NLGN1: variants seen among roughly 807,000 people sequenced by gnomAD.
NLGN1 encodes neuroligin-1.
In NLGN1, 12 loss-of-function variants were observed where a neutral mutation model predicts 65.5. The ratio of observed to expected loss-of-function variants is 0.18; its 90% CI spans 0.12 to 0.30. The LOEUF is 0.30. Ranked by LOEUF, NLGN1 falls within the 10% of genes least tolerant of loss-of-function variation. NLGN1 has a pLI of 1.00. For missense variants in NLGN1, 750 were observed against 1,007.1 expected (o/e 0.74, Z 3.46); for synonymous variants, 350 against 359.5 (o/e 0.97, Z 0.30).
chr3:173,782,191 T>C (rs888016964), intron 3 of NLGN1, among the ~76,000 whole-genome samples: 1 of 151,998 alleles, frequency 6.6e-6, no homozygotes, highest in Middle Eastern at 3.2e-3. Flanking sequence ...CTATGGTCAA[T>C]TTGGGAAAGA....
chr3:174,083,451 A>G (rs963936623), intron 4 of NLGN1, among the ~76,000 whole-genome samples: 9 of 152,212 alleles, frequency 5.9e-5, no homozygotes, highest in African/African-American at 1.9e-4. Context: ...AATTTATACT[A>G]TAATGAAAAC....
At chr3:174,008,314 C>A (rs573913870) in intron 4 of NLGN1, among the ~76,000 whole-genome samples, 1 of 152,140 alleles carries the variant, frequency 6.6e-6, no homozygotes, top group East Asian at 1.9e-4. Flanking sequence ...GTAGGCAAAC[C>A]TGCTGTCATT....
chr3:173,525,973 T>C (rs761434192), intron 2 of NLGN1, among the ~76,000 whole-genome samples: 7 of 152,180 alleles, frequency 4.6e-5, no homozygotes, highest in Non-Finnish European at 8.8e-5. Context: ...ATAGTTGATA[T>C]GATTTTTATT....
chr3:174,281,087 G>A (rs1303087077), exon 7 of NLGN1: 2 of 1,613,348 alleles, frequency 1.2e-6, no homozygotes, highest in Non-Finnish European at 1.7e-6. Context: ...CACATGAGGT[G>A]GTTCTTCGGA....
intron 2 of NLGN1, among the ~76,000 whole-genome samples, chr3:173,582,205 T>G (rs1180002770): frequency 6.6e-6 from 1 of 152,060 alleles, no homozygotes; most frequent in Admixed American, 6.5e-5. Flanking sequence ...TAACATTCAT[T>G]TTTCTTGTTA....
At chr3:173,452,700 A>G (rs1226542881) in intron 2 of NLGN1, among the ~76,000 whole-genome samples, 1 of 152,216 alleles carries the variant, frequency 6.6e-6, no homozygotes, top group Admixed American at 6.5e-5. Context: ...CTAGCGAAAC[A>G]GAACCCATAG....
At chr3:173,557,505 T>C (rs1197520102) in intron 2 of NLGN1, among the ~76,000 whole-genome samples, 1 of 152,126 alleles carries the variant, frequency 6.6e-6, no homozygotes, top group Non-Finnish European at 1.5e-5. Flanking sequence ...TTTGCCCTAT[T>C]TAACTTTCTT....
rs145925592 is a variant in NLGN1, at chr3:173,782,955, A to G, written c.494-24725A>G. Among the ~76,000 whole-genome samples the G allele has an allele frequency of 3.3e-4, 51 of 152,256 alleles. No homozygotes were observed. The East Asian group carries it at 9.3e-3, about 28-fold the overall frequency. On this transcript the variant is annotated intron_variant, in intron 3 of 6. Transcript: ENST00000457714. Reference sequence around the variant, plus strand: ...CTGAATATATTGTTGAGTTAAAAAAAGTAATGTGCAAAACAGCAAATATAG... The same window carrying G: ...CTGAATATATTGTTGAGTTAAAAAAGGTAATGTGCAAAACAGCAAATATAG...
chr3:174,111,758 G>A (rs1715274235), intron 4 of NLGN1, among the ~76,000 whole-genome samples: 1 of 151,892 alleles, frequency 6.6e-6, no homozygotes, highest in African/African-American at 2.4e-5. Context: ...CTTATGGTCT[G>A]AATGGAGAGT....
intron 4 of NLGN1, among the ~76,000 whole-genome samples, chr3:174,201,373 AG>A (rs1561278938): frequency 1.7e-5 from 2 of 120,642 alleles, no homozygotes; most frequent in Non-Finnish European, 3.3e-5. Flanking sequence ...GAAGGAAGGA[AG>A]GAAAGAAGGA....
At chr3:173,656,300 T>C (rs561309187) in intron 3 of NLGN1, among the ~76,000 whole-genome samples, 2 of 152,266 alleles carry the variant, frequency 1.3e-5, no homozygotes, top group Admixed American at 6.6e-5. Flanking sequence ...GGAGCACTGA[T>C]TAAAAGTATT....
intron 4 of NLGN1, among the ~76,000 whole-genome samples, chr3:173,986,577 C>T (rs953078597): frequency 6.6e-6 from 1 of 152,022 alleles, no homozygotes. Flanking sequence ...AAGAAGATGA[C>T]CAAGAAGGAA....
chr3:173,537,483 AGTGTGTGT>A (rs35226730), intron 2 of NLGN1, among the ~76,000 whole-genome samples: 4 of 149,004 alleles, frequency 2.7e-5, no homozygotes, highest in Non-Finnish European at 3.0e-5. Flanking sequence ...GTATTTGCTT[AGTGTGTGT>A]GTGTGTGTGT....
chr3:174,197,222 C>T (rs1038266171), intron 4 of NLGN1, among the ~76,000 whole-genome samples: 14 of 152,122 alleles, frequency 9.2e-5, no homozygotes, highest in African/African-American at 3.4e-4. Context: ...ATGTTGTCTT[C>T]TAAGGAGCAA....
intron 2 of NLGN1, among the ~76,000 whole-genome samples, chr3:173,453,660 C>T (rs1280124568): frequency 1.3e-5 from 2 of 152,186 alleles, no homozygotes; most frequent in Non-Finnish European, 2.9e-5. Flanking sequence ...AGGAACTCCT[C>T]ATTCATTCAA....
chr3:173,754,675 G>A (rs1776830603), intron 3 of NLGN1, among the ~76,000 whole-genome samples: 1 of 152,054 alleles, frequency 6.6e-6, no homozygotes, highest in African/African-American at 2.4e-5. Context: ...TAAGAGTTCT[G>A]TCACAAATCC....
chr3:174,255,453 A>AAAAAAAAAAAAAAAAAAAAAAAAC (rs1745534786), intron 4 of NLGN1, among the ~76,000 whole-genome samples: 2 of 150,702 alleles, frequency 1.3e-5, no homozygotes, highest in African/African-American at 2.4e-5. Flanking sequence ...AAAAAAAAAA[A>AAAAAAAAAAAAAAAAAAAAAAAAC]AAAGCGCAAG....
intron 4 of NLGN1, among the ~76,000 whole-genome samples, chr3:173,945,152 G>A (rs922598251): frequency 6.6e-6 from 1 of 151,682 alleles, no homozygotes; most frequent in African/African-American, 2.4e-5. Context: ...TCATCTGCTT[G>A]ATTTCAGAAG....
At chr3:173,889,430 A>AG (rs1438643111) in intron 4 of NLGN1, among the ~76,000 whole-genome samples, 1 of 152,136 alleles carries the variant, frequency 6.6e-6, no homozygotes, top group African/African-American at 2.4e-5. Flanking sequence ...AGCAAAAAAG[A>AG]GGTCAGTGTA....
Sources: allele counts gnomAD v4.1 joint callset (sites outside exome capture counted in the v4.1 genomes callset), GRCh38; gene constraint gnomAD v4.1.1; transcripts MANE v1.5; gene names NCBI Gene and HGNC (gene_info 2026-07-23, HGNC 2026-07-21).